Variants in ZNF335 observed in about 807,000 individuals in gnomAD.
ZNF335 encodes the protein zinc finger protein 335, also known as NRC-interacting factor 1.
Under a neutral mutation model 145.6 loss-of-function variants are expected in ZNF335, and 84 were observed. The observed-to-expected ratio is 0.58, with a 90% CI of 0.48 to 0.69. The LOEUF (loss-of-function observed/expected upper bound fraction) is 0.69. Among genes scored for constraint, ZNF335 ranks in the 30% least tolerant of loss-of-function variants. The pLI, the probability that ZNF335 is intolerant of heterozygous loss-of-function variation, is 0.00. For missense variants in ZNF335, 1,865 were observed against 1,809.7 expected (o/e 1.03, Z -0.55); for synonymous variants, 761 against 717.0 (o/e 1.06, Z -0.98).
intron 20 of ZNF335, 139 bp downstream of exon 20, chr20:45,952,008 G>T: frequency 7.9e-7 from 1 of 1,258,228 alleles, no homozygotes; most frequent in Non-Finnish European, 1.1e-6. Context: ...CTGGGACCTT[G>T]CGGAGTCATC....
chr20:45,963,413 C>G (rs571155468), intron 9 of ZNF335, 60 bp downstream of exon 9: 1 of 1,555,038 alleles, frequency 6.4e-7, no homozygotes, highest in South Asian at 1.2e-5. Flanking sequence ...GTGGCACCAG[C>G]TGGCCTCTGC....
chr20:45,960,075 A>C, intron 14 of ZNF335, 133 bp downstream of exon 14: 1 of 1,060,598 alleles, frequency 9.4e-7, no homozygotes, highest in Non-Finnish European at 1.3e-6. Context: ...AATTCTCTTT[A>C]CACTTGAAGG....
intron 8 of ZNF335, 36 bp from the exon 9 acceptor site, chr20:45,963,686 G>A (rs762293497): frequency 1.8e-5 from 29 of 1,613,786 alleles, no homozygotes; most frequent in Non-Finnish European, 2.3e-5. Flanking sequence ...GGTCTGGTGG[G>A]GTTGGTGGCT....
chr20:45,957,471 G>T, intron 17 of ZNF335, 115 bp downstream of exon 17: 1 of 973,968 alleles, frequency 1.0e-6, no homozygotes, highest in Non-Finnish European at 1.6e-6. Context: ...CACTGCCTGG[G>T]AGCTCCCAAG....
chr20:45,951,651 G>T (rs34240177), intron 20 of ZNF335, among the ~76,000 whole-genome samples: 6,650 of 152,312 alleles, frequency 0.044, 202 homozygotes, highest in Non-Finnish European at 0.07. Context: ...TGCAGCTGCT[G>T]TGACAGGAAG....
intron 6 of ZNF335, 48 bp downstream of exon 6, chr20:45,967,446 G>T (rs777386388): frequency 1.2e-6 from 2 of 1,613,910 alleles, no homozygotes; most frequent in South Asian, 1.1e-5. Flanking sequence ...CAGTGAGTAT[G>T]TCTAGATGGG....
Position 45,967,620 on chromosome 20 carries a change from C to T in ZNF335, c.829G>A (p.Ala277Thr). 1 of 1,613,990 alleles carries T rather than the reference C, an allele frequency of 6.2e-7. No individual in the cohort carries two copies. Among genetic ancestry groups the T allele is most frequent in the African/African-American group, 1.3e-5 (1 of 75,042 alleles). The change falls in exon 6 of 28, where the codon GCA becomes ACA. Residue 277 changes from alanine to threonine, a missense_variant. Physicochemically the swap from Ala to Thr is moderately conservative, Grantham distance 58. Transcript: ENST00000322927. The stretch of plus-strand genomic sequence containing the variant: ...AGACGTCCTTTTTTACCAGCTGCTG[C>T]TGCGGCTGCTGCTACTGGAAGTGGA... ...RHFRPVAAAA[A>T]AAGKKGRLRK...
rs776787665 is a variant in ZNF335 at position 45,952,261 on chromosome 20, G to A, written c.3075C>T (p.Ala1025=). The part of the protein sequence containing the change: ...ASKKFSCKIC[A]EAFPGRAEME... The stretch of plus-strand genomic sequence containing the variant: ...TCTCAGCTCGGCCAGGGAAGGCCTC[G>A]GCACAGATCTTGCAGGAAAACTTCT... Residue 1025 remains alanine (A), a synonymous_variant, in exon 20 of 28, where the codon GCC becomes GCT. Transcript: ENST00000322927. 13 of 1,613,258 alleles carry A rather than the reference G, an allele frequency of 8.1e-6. No individual in the cohort carries two copies. Among genetic ancestry groups the A allele is most frequent in the East Asian group, 4.5e-5 (2 of 44,892 alleles).
chr20:45,949,051 G>C lies in ZNF335; in HGVS notation c.3931C>G (p.Gln1311Glu). The C allele has an allele frequency of 6.2e-7, 1 of 1,613,852 alleles. No individual in the cohort carries two copies. Among genetic ancestry groups the C allele is most frequent in the Non-Finnish European group, 8.5e-7 (1 of 1,180,020 alleles). ...GTCTCGTCTGTACCAAACAGGCCCT[G>C]GGCTTGGGCCATGGCAGCATCAGCC... is the stretch of plus-strand genomic sequence containing the variant. ...AVADAAMAQA[Q>E]GLFGTDETVP... is the part of the protein sequence containing the mutation. Residue 1311 changes from glutamine to glutamate, a missense_variant, in exon 28 of 28, where the codon CAG (glutamine) becomes GAG (glutamate). Transcript: ENST00000322927.
At position 45,963,710 on chromosome 20, in the gene ZNF335, G is replaced by A. The variant is rs368208449; in HGVS notation, c.1355+28C>T. The A allele has an allele frequency of 2.5e-6, 4 of 1,613,984 alleles. No individual in the cohort carries two copies. In the African/African-American group the frequency reaches 4.0e-5, roughly 16 times the overall value. ...GGGTTGGTGGCTTAACCACATGCAT[G>A]CCCCACCCTCACCTCTGCTCCACAT... On this transcript the variant is annotated intron_variant, in intron 8 of 27. Coordinates refer to ENST00000322927, the MANE Select transcript of ZNF335 (RefSeq NM_022095.4).
At chr20:45,967,301 C>G (rs1600547978) in intron 6 of ZNF335, 193 bp downstream of exon 6, 9 of 773,402 alleles carry the variant, frequency 1.2e-5, no homozygotes, top group South Asian at 1.1e-4. Flanking sequence ...CCCCTGTGCT[C>G]TTTTCCAGTG....
chr20:45,957,523 G>T, intron 17 of ZNF335, 63 bp downstream of exon 17: 1 of 1,487,090 alleles, frequency 6.7e-7, no homozygotes, highest in Non-Finnish European at 9.4e-7. Context: ...TAGTCCCAGT[G>T]TCCAGTGCAG....
At position 45,960,632 on chromosome 20, in the gene ZNF335, G is replaced by A; in HGVS notation, c.1766C>T (p.Pro589Leu). 1 of 1,614,094 alleles carries A rather than the reference G, an allele frequency of 6.2e-7. No homozygotes were observed. ...CCCACCCACCTTGTCACACATGTGG[G>A]GCTTCTCAGTGCTGTGCGTCTTCAT... is the stretch of plus-strand genomic sequence containing the variant. ...QHMKTHSTEK[P>L]HMCDKCGKSF... is the part of the protein sequence containing the mutation. Residue 589 changes from proline (P) to leucine (L), a missense_variant, in exon 12 of 28, where the codon CCC (proline) becomes CTC (leucine). Coordinates refer to ENST00000322927, the MANE Select transcript of ZNF335 (RefSeq NM_022095.4).
In ZNF335 at chr20:45,949,080, G is replaced by A. The variant is rs1293955556; in HGVS notation, c.3902C>T (p.Ala1301Val). ...LEAAAHSAVT[A>V]VADAAMAQAQ... ...TTGGGCCATGGCAGCATCAGCCACT[G>A]CTGCCAGGGGAGGGGAAAGTATGGT... Residue 1301 changes from alanine (A) to valine (V), a missense_variant and splice_region_variant, in exon 28 of 28, where the codon GCA becomes GTA. Physicochemically the swap from Ala to Val is moderately conservative, Grantham distance 64. Coordinates refer to ENST00000322927, the MANE Select transcript of ZNF335 (RefSeq NM_022095.4). 1.5e-5 allele frequency: 25 copies of A among 1,613,672 alleles called. No homozygotes were observed. The highest frequency in any genetic ancestry group is 2.1e-5 in the Non-Finnish European group (25 of 1,180,032).
At chr20:45,953,364 A>G (rs1845552708) in intron 18 of ZNF335, among the ~76,000 whole-genome samples, 1 of 152,230 alleles carries the variant, frequency 6.6e-6, no homozygotes, top group Non-Finnish European at 1.5e-5. Context: ...CAAAGGGACC[A>G]GGGTTCAAAT....
chr20:45,971,320 T>G lies in ZNF335; in HGVS notation c.91A>C (p.Thr31Pro), dbSNP rs767127374. The stretch of plus-strand genomic sequence containing the variant: ...CTGTCGGCGGACACGGCTTCTGAGG[T>G]GCCCACACCCAGGCCGCTCTCAGAG... ...EPSESGLGVGTSEAVSADSSD... is the reference protein window; with the variant it reads ...EPSESGLGVGPSEAVSADSSD... The change falls in exon 2 of 28, where the codon ACC becomes CCC. Residue 31 changes from threonine (T) to proline (P), a missense_variant. Coordinates refer to ENST00000322927, the MANE Select transcript of ZNF335 (RefSeq NM_022095.4). 1.7e-5 allele frequency: 27 copies of G among 1,595,372 alleles called. No individual in the cohort carries two copies. The highest frequency in any genetic ancestry group is 2.2e-5 in the Non-Finnish European group (26 of 1,177,728).
chr20:45,952,644 G>C lies in ZNF335; in HGVS notation c.2768C>G (p.Thr923Ser). ...VVSDTLKEAG[T>S]HYIMATDGTQ... ...ACCATCAGTAGCCATGATGTAGTGG[G>C]TGCCAGCTTCTTTTAGGGTGTCACT... The change falls in exon 19 of 28, where the codon ACC becomes AGC. Residue 923 changes from threonine to serine, a missense_variant. Coordinates refer to ENST00000322927, the MANE Select transcript of ZNF335 (RefSeq NM_022095.4). The C allele has an allele frequency of 6.2e-7, 1 of 1,613,944 alleles. No individual in the cohort carries two copies. The highest frequency in any genetic ancestry group is 8.5e-7 in the Non-Finnish European group (1 of 1,180,032).
In ZNF335 at chr20:45,971,479, G is replaced by A. The variant is rs757011501; in HGVS notation, c.-50-19C>T. The A allele has an allele frequency of 1.5e-5, 23 of 1,570,390 alleles. No homozygotes were observed. Among genetic ancestry groups the A allele is most frequent in the South Asian group, 3.4e-5 (3 of 87,892 alleles). ...CTTCACTCTGAGAAGAGAGGTGACC[G>A]TGGCTGGAACAAGTGGGCCATCTCC... On this transcript the variant is annotated intron_variant, in intron 1 of 27. Transcript: ENST00000322927.
chr20:45,953,811 C>T lies in ZNF335; in HGVS notation c.2580G>A (p.Gln860=). 6.2e-7 allele frequency: 1 copy of T among 1,614,146 alleles called. No homozygotes were observed. The highest frequency in any genetic ancestry group is 1.1e-5 in the South Asian group (1 of 91,092). Reference sequence around the variant, plus strand: ...TCTGCGGTAGGTCAGGAGGGCCTAGCTGGCTCTCGGCTGCTGCACCGCCCC... The same window carrying T: ...TCTGCGGTAGGTCAGGAGGGCCTAGTTGGCTCTCGGCTGCTGCACCGCCCC... ...EPGGGAAAES[Q]LGPPDLPQIT... Residue 860 remains glutamine (Q), a synonymous_variant, in exon 18 of 28, where the codon CAG becomes CAA. Transcript: ENST00000322927.
Sources: allele counts gnomAD v4.1 joint callset (sites outside exome capture counted in the v4.1 genomes callset), GRCh38; gene constraint gnomAD v4.1.1; transcripts MANE v1.5; gene names NCBI Gene and HGNC (gene_info 2026-07-23, HGNC 2026-07-21).